The following ZNF804B variants were observed in gnomAD, a reference collection of about 807,000 sequenced individuals.
ZNF804B encodes zinc finger 804B.
In ZNF804B, 80 loss-of-function variants were observed where a neutral mutation model predicts 101.4. The observed-to-expected ratio is 0.79, with a 90% CI of 0.66 to 0.95. ZNF804B has a LOEUF of 0.95. Ranked by LOEUF, ZNF804B falls within the 40% of genes least tolerant of loss-of-function variation. The pLI is 0.00. For missense variants in ZNF804B, 1,673 were observed against 1,561.9 expected (o/e 1.07, Z -1.20); for synonymous variants, 622 against 558.8 (o/e 1.11, Z -1.59).
At chr7:89,167,467 A>AAATAAATTAATAAATT (rs371610618) in intron 1 of ZNF804B, among the ~76,000 whole-genome samples, 15 of 151,414 alleles carry the variant, frequency 9.9e-5, no homozygotes, top group Non-Finnish European at 1.9e-4. Context: ...ATAAATAAAT[A>AAATAAATTAATAAATT]AATAATCCCT....
intron 1 of ZNF804B, among the ~76,000 whole-genome samples, chr7:88,899,523 A>G (rs2115948968): frequency 6.6e-6 from 1 of 152,302 alleles, no homozygotes; most frequent in East Asian, 1.9e-4. Context: ...CCTCTCACTT[A>G]AGAATTGCCT....
rs375468182 is a variant in ZNF804B, at chr7:88,959,774, T to A, written c.108+199690T>A. Among the ~76,000 whole-genome samples the A allele has an allele frequency of 2.0e-5, 3 of 151,452 alleles. No individual in the cohort carries two copies. The East Asian group carries it at 5.9e-4, about 30-fold the overall frequency. On this transcript the variant is annotated intron_variant, in intron 1 of 3. Transcript: ENST00000333190. ...TATTTGGAGGGATGGAAGTGGTTTATAGCACTGTACACTGTGGGCAGCAGC... is the reference window on the plus strand; with the variant it reads ...TATTTGGAGGGATGGAAGTGGTTTAAAGCACTGTACACTGTGGGCAGCAGC...
chr7:88,909,101 C>T (rs1792512896), intron 1 of ZNF804B, among the ~76,000 whole-genome samples: 1 of 151,638 alleles, frequency 6.6e-6, no homozygotes, highest in South Asian at 2.1e-4. Flanking sequence ...ATGAGTAAGC[C>T]TATGGCAGAT....
chr7:89,172,025 G>C (rs1438000817), intron 1 of ZNF804B, among the ~76,000 whole-genome samples: 4 of 151,950 alleles, frequency 2.6e-5, no homozygotes, highest in Non-Finnish European at 1.5e-5. Context: ...CTAAAGTAAG[G>C]GGTGACTGGC....
At chr7:88,917,755 T>G (rs929163927) in intron 1 of ZNF804B, among the ~76,000 whole-genome samples, 17 of 152,170 alleles carry the variant, frequency 1.1e-4, no homozygotes, top group African/African-American at 4.1e-4. Context: ...GATGGGTTGT[T>G]CATTGCCACA....
intron 1 of ZNF804B, among the ~76,000 whole-genome samples, chr7:89,083,767 G>T (rs1789732546): frequency 6.6e-6 from 1 of 151,556 alleles, no homozygotes; most frequent in East Asian, 1.9e-4. Context: ...ATAACCTATG[G>T]ATTAAGTTTA....
chr7:89,123,157 CTTTT>C (rs61180790), intron 1 of ZNF804B, among the ~76,000 whole-genome samples: 1 of 147,074 alleles, frequency 6.8e-6, no homozygotes. Flanking sequence ...CCAAGTTCAG[CTTTT>C]TTTTTTTTTT....
At chr7:89,113,291 A>G (rs1057339411) in intron 1 of ZNF804B, among the ~76,000 whole-genome samples, 19 of 152,236 alleles carry the variant, frequency 1.2e-4, no homozygotes, top group Admixed American at 9.8e-4. Flanking sequence ...ATCATCGTAC[A>G]ACGGGCCTCA....
intron 1 of ZNF804B, among the ~76,000 whole-genome samples, chr7:89,110,075 A>G (rs1184365388): frequency 6.6e-6 from 1 of 152,142 alleles, no homozygotes; most frequent in African/African-American, 2.4e-5. Context: ...AGTGATTCCA[A>G]AATAGAATTG....
At chr7:88,963,047 TC>T (rs1388760501) in intron 1 of ZNF804B, among the ~76,000 whole-genome samples, 1 of 150,828 alleles carries the variant, frequency 6.6e-6, no homozygotes, top group Non-Finnish European at 1.5e-5. Context: ...GGAAGGACAT[TC>T]CCTTTTCATG....
rs1484083586 is a variant in ZNF804B, at chr7:89,278,889, A to C, written c.250-48455A>C. On this transcript the variant is annotated intron_variant, in intron 2 of 3. Transcript: ENST00000333190. ...GTAGTATTTTCCAATTCTGTGAAGA[A>C]AGTCATTGGTAGCTTGATGGGGATG... 3.3e-5 allele frequency among the ~76,000 whole-genome samples: 5 copies of C among 152,200 alleles called. 1 individual carries two copies. The highest frequency in any genetic ancestry group is 1.3e-4 in the Admixed American group (2 of 15,264).
At chr7:88,953,444 T>C (rs1793255077) in intron 1 of ZNF804B, among the ~76,000 whole-genome samples, 1 of 151,786 alleles carries the variant, frequency 6.6e-6, no homozygotes, top group Non-Finnish European at 1.5e-5. Context: ...TAGAACACAT[T>C]ATTTAAAATT....
chr7:89,065,318 A>G (rs941157606), intron 1 of ZNF804B, among the ~76,000 whole-genome samples: 4 of 152,142 alleles, frequency 2.6e-5, no homozygotes, highest in African/African-American at 9.7e-5. Context: ...TTCTTCTTAA[A>G]CATATGTCAA....
intron 1 of ZNF804B, among the ~76,000 whole-genome samples, chr7:89,124,122 G>A (rs1043222541): frequency 1.2e-4 from 19 of 152,164 alleles, no homozygotes; most frequent in Admixed American, 5.2e-4. Flanking sequence ...TTCTGGTCAA[G>A]CTGGACTGTC....
intron 2 of ZNF804B, among the ~76,000 whole-genome samples, chr7:89,312,819 GAAA>G (rs112158486): frequency 2.1e-5 from 2 of 96,392 alleles, no homozygotes; most frequent in African/African-American, 7.1e-5. Flanking sequence ...ATCAAGAAAA[GAAA>G]AAAAAAAAAA....
intron 1 of ZNF804B, among the ~76,000 whole-genome samples, chr7:88,781,359 A>G (rs904849745): frequency 3.9e-5 from 6 of 152,132 alleles, no homozygotes; most frequent in Admixed American, 6.6e-5. Flanking sequence ...TTAAGGACTT[A>G]CCCTGGGCTT....
At chr7:88,934,032 T>C (rs2116026291) in intron 1 of ZNF804B, among the ~76,000 whole-genome samples, 1 of 151,624 alleles carries the variant, frequency 6.6e-6, no homozygotes, top group African/African-American at 2.4e-5. Context: ...TACATGGCTA[T>C]AGTTACCAAA....
chr7:89,091,020 T>G (rs748408568), intron 1 of ZNF804B, among the ~76,000 whole-genome samples: 14 of 152,188 alleles, frequency 9.2e-5, no homozygotes, highest in Non-Finnish European at 1.6e-4. Flanking sequence ...AGTATGTGGA[T>G]GAGCTTTCCA....
intron 1 of ZNF804B, among the ~76,000 whole-genome samples, chr7:88,830,984 A>G (rs1458305664): frequency 6.6e-6 from 1 of 151,896 alleles, no homozygotes; most frequent in Non-Finnish European, 1.5e-5. Flanking sequence ...TTTGTGATAT[A>G]TGTTGCAAAT....
Sources: allele counts gnomAD v4.1 joint callset (sites outside exome capture counted in the v4.1 genomes callset), GRCh38; gene constraint gnomAD v4.1.1; transcripts MANE v1.5; gene names NCBI Gene and HGNC (gene_info 2026-07-23, HGNC 2026-07-21).